The following OPCML variants were observed in gnomAD, a reference collection of about 807,000 sequenced individuals.
OPCML encodes the protein opioid binding protein/cell adhesion molecule like.
In OPCML, 13 loss-of-function variants were observed where a neutral mutation model predicts 37.8. That is an observed-to-expected ratio of 0.34 (90% CI 0.22 to 0.55). The LOEUF is 0.55. Ranked by LOEUF, OPCML falls within the 20% of genes least tolerant of loss-of-function variation. OPCML has a pLI of 0.91. For synonymous variants in OPCML, 176 were observed against 168.8 expected, an observed-to-expected ratio of 1.04 and a Z score of -0.33; for missense variants, 341 against 435.6, an observed-to-expected ratio of 0.78 and a Z score of 1.93.
chr11:133,530,128 T>C (rs1948574439), intron 1 of OPCML, among the ~76,000 whole-genome samples: 3 of 152,194 alleles, frequency 2.0e-5, no homozygotes, highest in Non-Finnish European at 1.5e-5. Context: ...TTGTCGTTCA[T>C]CCACCATGCT....
intron 2 of OPCML, among the ~76,000 whole-genome samples, chr11:132,708,238 A>G (rs1944114793): frequency 6.6e-6 from 1 of 152,224 alleles, no homozygotes; most frequent in Non-Finnish European, 1.5e-5. Flanking sequence ...TTGTACAGTT[A>G]TGTAACTATA....
At chr11:133,279,240 G>A (rs546284529) in intron 1 of OPCML, among the ~76,000 whole-genome samples, 8 of 152,146 alleles carry the variant, frequency 5.3e-5, no homozygotes, top group East Asian at 1.9e-4. Context: ...CTCACAAATC[G>A]TCATCATGTT....
chr11:133,324,630 C>A (rs1234381131), intron 1 of OPCML, among the ~76,000 whole-genome samples: 5 of 152,192 alleles, frequency 3.3e-5, no homozygotes, highest in African/African-American at 1.2e-4. Context: ...GGCAGTGGGA[C>A]CTCCGGCCTC....
chr11:133,336,481 A>C (rs796399437), intron 1 of OPCML, among the ~76,000 whole-genome samples: 25 of 152,344 alleles, frequency 1.6e-4, no homozygotes, highest in African/African-American at 6.0e-4. Context: ...ATTGATATAT[A>C]ATGTCTCTAA....
intron 2 of OPCML, among the ~76,000 whole-genome samples, chr11:132,742,341 C>T (rs1355814812): frequency 1.3e-5 from 2 of 152,142 alleles, no homozygotes; most frequent in Admixed American, 6.5e-5. Context: ...GATAAATTCA[C>T]GAAGATGGAG....
chr11:133,278,399 G>T (rs1942051300), intron 1 of OPCML, among the ~76,000 whole-genome samples: 1 of 152,026 alleles, frequency 6.6e-6, no homozygotes, highest in African/African-American at 2.4e-5. Context: ...TTTCTTTACA[G>T]ATACATGAGA....
At chr11:133,084,398 G>A (rs890673293) in intron 1 of OPCML, among the ~76,000 whole-genome samples, 1 of 152,138 alleles carries the variant, frequency 6.6e-6, no homozygotes, top group Non-Finnish European at 1.5e-5. Flanking sequence ...TTCAAGTTTC[G>A]TTGTTTAGTT....
At chr11:133,080,937 G>A (rs1456772364) in intron 1 of OPCML, among the ~76,000 whole-genome samples, 1 of 152,194 alleles carries the variant, frequency 6.6e-6, no homozygotes, top group African/African-American at 2.4e-5. Flanking sequence ...GGACACAGGT[G>A]AGTGGAAGAG....
intron 4 of OPCML, among the ~76,000 whole-genome samples, chr11:132,485,919 G>A (rs1592249236): frequency 6.6e-6 from 1 of 152,276 alleles, no homozygotes; most frequent in East Asian, 1.9e-4. Flanking sequence ...GAGTGGAATT[G>A]CAGTGCCACA....
chr11:132,729,852 G>A (rs1945014793), intron 2 of OPCML, among the ~76,000 whole-genome samples: 1 of 152,010 alleles, frequency 6.6e-6, no homozygotes, highest in Non-Finnish European at 1.5e-5. Flanking sequence ...GGATGAGCAG[G>A]ATATTCTACC....
At chr11:133,524,381 C>T (rs1948450076) in intron 1 of OPCML, among the ~76,000 whole-genome samples, 1 of 152,172 alleles carries the variant, frequency 6.6e-6, no homozygotes, top group Non-Finnish European at 1.5e-5. Flanking sequence ...CCATTCATGA[C>T]CTTCTGCTAT....
At chr11:133,078,834 C>T in intron 1 of OPCML, among the ~76,000 whole-genome samples, 1 of 152,176 alleles carries the variant, frequency 6.6e-6, no homozygotes, top group Non-Finnish European at 1.5e-5. Flanking sequence ...GAAATCTCTC[C>T]ACCGCCCCCA....
At chr11:132,781,009 C>T (rs966170668) in intron 2 of OPCML, among the ~76,000 whole-genome samples, 3 of 151,942 alleles carry the variant, frequency 2.0e-5, no homozygotes, top group African/African-American at 7.3e-5. Context: ...CTATGCTGTC[C>T]CTTTCCATAA....
chr11:132,523,661 A>G (rs2096300255), intron 4 of OPCML, among the ~76,000 whole-genome samples: 1 of 152,228 alleles, frequency 6.6e-6, no homozygotes, highest in African/African-American at 2.4e-5. Context: ...ACAGTATTAA[A>G]GGGTCATATT....
chr11:133,521,013 C>T (rs967609336), intron 1 of OPCML, among the ~76,000 whole-genome samples: 4 of 152,134 alleles, frequency 2.6e-5, no homozygotes, highest in Non-Finnish European at 4.4e-5. Flanking sequence ...CACTCCACTG[C>T]TAGTTATCAT....
At chr11:132,847,905 G>C (rs1941624493) in intron 2 of OPCML, among the ~76,000 whole-genome samples, 1 of 152,160 alleles carries the variant, frequency 6.6e-6, no homozygotes, top group Non-Finnish European at 1.5e-5. Context: ...TTCCCAATCA[G>C]TCAAGAGAGT....
At chr11:133,140,775 A>AGAG (rs1413192631) in intron 1 of OPCML, among the ~76,000 whole-genome samples, 1 of 146,940 alleles carries the variant, frequency 6.8e-6, no homozygotes, top group Admixed American at 6.8e-5. Flanking sequence ...AAGAAGAAGA[A>AGAG]GAAGAAGACG....
chr11:133,415,902 C>G (rs1945751376), intron 1 of OPCML, among the ~76,000 whole-genome samples: 1 of 152,154 alleles, frequency 6.6e-6, no homozygotes, highest in South Asian at 2.1e-4. Context: ...CAGCTGCCAA[C>G]TGGCAAATGA....
rs142300897 is a variant in OPCML, at chr11:133,402,592, T to C, written c.61+129672A>G. 8.5e-5 allele frequency among the ~76,000 whole-genome samples: 13 copies of C among 152,294 alleles called. No individual in the cohort carries two copies. The East Asian group carries it at 2.3e-3, about 27-fold the overall frequency. Reference sequence around the variant, plus strand: ...GAAAGGACCAAGAAATATTTTCCCATTTATCATAAACATGTACCTTTCCTG... The same window carrying C: ...GAAAGGACCAAGAAATATTTTCCCACTTATCATAAACATGTACCTTTCCTG... On this transcript the variant is annotated intron_variant, in intron 1 of 7. Transcript: ENST00000524381.
Sources: allele counts gnomAD v4.1 joint callset (sites outside exome capture counted in the v4.1 genomes callset), GRCh38; gene constraint gnomAD v4.1.1; transcripts MANE v1.5; gene names NCBI Gene and HGNC (gene_info 2026-07-23, HGNC 2026-07-21).